Variants in CSMD1 observed in about 807,000 individuals in gnomAD.
CSMD1 encodes CUB and sushi domain-containing protein 1.
CSMD1 carries 213 observed loss-of-function variants against 417.5 expected under a neutral mutation model. The observed-to-expected ratio is 0.51, with a 90% CI of 0.46 to 0.57. CSMD1 has a LOEUF of 0.57. CSMD1 is among the 20% of genes least tolerant of loss of function. CSMD1 has a pLI of 0.00. For synonymous variants in CSMD1, 2,862 were observed against 1,736.8 expected, an observed-to-expected ratio of 1.65 and a Z score of -16.11; for missense variants, 6,923 against 4,529.7, an observed-to-expected ratio of 1.53 and a Z score of -15.17.
intron 21 of CSMD1, among the ~76,000 whole-genome samples, chr8:3,358,741 A>G (rs995018361): frequency 1.3e-5 from 2 of 152,186 alleles, no homozygotes; most frequent in Admixed American, 1.3e-4. Flanking sequence ...CAAAATTGTC[A>G]CCATCGTTAT....
At chr8:3,727,075 A>C (rs1802540841) in intron 6 of CSMD1, among the ~76,000 whole-genome samples, 1 of 152,206 alleles carries the variant, frequency 6.6e-6, no homozygotes, top group South Asian at 2.1e-4. Flanking sequence ...ATATAAAGAT[A>C]ATGGCATTTA....
chr8:3,433,494 C>T (rs1814355927), intron 12 of CSMD1, among the ~76,000 whole-genome samples: 1 of 152,046 alleles, frequency 6.6e-6, no homozygotes, highest in Non-Finnish European at 1.5e-5. Context: ...CGGATTGCTT[C>T]TTGGTTCATT....
intron 3 of CSMD1, among the ~76,000 whole-genome samples, chr8:4,048,930 G>A (rs553697676): frequency 1.3e-5 from 2 of 152,146 alleles, no homozygotes; most frequent in Non-Finnish European, 2.9e-5. Flanking sequence ...AATTTCAAAT[G>A]CTGCAAATAT....
At chr8:3,292,015 T>C (rs1270290708) in intron 25 of CSMD1, among the ~76,000 whole-genome samples, 3 of 152,144 alleles carry the variant, frequency 2.0e-5, no homozygotes, top group East Asian at 3.9e-4. Flanking sequence ...CCAGAGATTC[T>C]GGTATGTTGT....
At chr8:4,410,931 T>C (rs1192883731) in intron 3 of CSMD1, among the ~76,000 whole-genome samples, 1 of 152,188 alleles carries the variant, frequency 6.6e-6, no homozygotes, top group Non-Finnish European at 1.5e-5. Context: ...CTCTTCAGAC[T>C]AGATTTGTTC....
rs181617852 is a variant in CSMD1 at position 4,954,662 on chromosome 8, T to C, written c.85+39670A>G. ...AGCAAATACCCAATGTGTACTCATCTGAATTCATGTGTGTGAATGTTCCTT... is the reference window on the plus strand; with the variant it reads ...AGCAAATACCCAATGTGTACTCATCCGAATTCATGTGTGTGAATGTTCCTT... On this transcript the variant is annotated intron_variant, in intron 1 of 69. Coordinates refer to ENST00000635120, the MANE Select transcript of CSMD1 (RefSeq NM_033225.6). Among the ~76,000 whole-genome samples the C allele has an allele frequency of 2.8e-4, 42 of 152,356 alleles. No homozygotes were observed. The East Asian group carries it at 4.0e-3, about 15-fold the overall frequency.
chr8:3,720,331 T>C (rs151250373), intron 6 of CSMD1, among the ~76,000 whole-genome samples: 1 of 152,194 alleles, frequency 6.6e-6, no homozygotes, highest in Non-Finnish European at 1.5e-5. Context: ...GAGAAGCTAC[T>C]GGAAAGTGAC....
chr8:3,066,612 A>G (rs1279112757), intron 49 of CSMD1, among the ~76,000 whole-genome samples: 1 of 152,224 alleles, frequency 6.6e-6, no homozygotes, highest in Non-Finnish European at 1.5e-5. Flanking sequence ...ACAAGAGAGT[A>G]ATAGCTTTAG....
intron 3 of CSMD1, among the ~76,000 whole-genome samples, chr8:4,319,340 T>C (rs1799125700): frequency 6.6e-6 from 1 of 152,148 alleles, no homozygotes; most frequent in South Asian, 2.1e-4. Flanking sequence ...CATATTATGA[T>C]TTTCCTCCTT....
rs1270250696 is a variant in CSMD1 at position 4,035,672 on chromosome 8, G to C, written c.416-3573C>G. Among the ~76,000 whole-genome samples the C allele has an allele frequency of 3.3e-5, 5 of 152,216 alleles. No individual in the cohort carries two copies. In the East Asian group the frequency reaches 7.7e-4, roughly 23 times the overall value. ...AACTCTTATGAATAACAATATAAAT[G>C]TTTTGCACAACTGTGCAAGGTTTAT... On this transcript the variant is annotated intron_variant, in intron 3 of 69. Transcript: ENST00000635120.
intron 1 of CSMD1, among the ~76,000 whole-genome samples, chr8:4,703,231 A>G (rs1341477391): frequency 6.6e-6 from 1 of 152,212 alleles, no homozygotes; most frequent in African/African-American, 2.4e-5. Context: ...GTGTAAACCA[A>G]CGGTTCTCAA....
chr8:3,139,882 T>C (rs1818326126), intron 41 of CSMD1, among the ~76,000 whole-genome samples: 1 of 149,396 alleles, frequency 6.7e-6, no homozygotes, highest in South Asian at 2.1e-4. Flanking sequence ...GTTTTTTTTC[T>C]TTCTTTTTTC....
chr8:3,414,463 C>G (rs536348145), intron 12 of CSMD1, among the ~76,000 whole-genome samples: 32 of 152,290 alleles, frequency 2.1e-4, no homozygotes, highest in African/African-American at 7.2e-4. Context: ...AGTTCAGGTT[C>G]TCACCCCTCA....
intron 5 of CSMD1, among the ~76,000 whole-genome samples, chr8:3,933,964 C>G (rs1584991593): frequency 6.6e-6 from 1 of 152,212 alleles, no homozygotes; most frequent in East Asian, 1.9e-4. Flanking sequence ...AGGGACCACA[C>G]AGTCGGGCTA....
chr8:3,535,901 C>T (rs916526443), intron 10 of CSMD1, among the ~76,000 whole-genome samples: 3 of 152,132 alleles, frequency 2.0e-5, no homozygotes, highest in Admixed American at 1.3e-4. Flanking sequence ...AAGCTTCCCC[C>T]TCCTGGTGGA....
intron 5 of CSMD1, among the ~76,000 whole-genome samples, chr8:3,900,277 G>C (rs1383913975): frequency 6.6e-6 from 1 of 151,410 alleles, no homozygotes. Flanking sequence ...ACAGCTGCGT[G>C]ACAGTGCAGC....
intron 7 of CSMD1, among the ~76,000 whole-genome samples, chr8:3,691,467 T>C (rs1187296282): frequency 6.6e-6 from 1 of 152,196 alleles, no homozygotes; most frequent in East Asian, 1.9e-4. Context: ...CAACACAGTC[T>C]GTAATTTCTA....
At chr8:3,532,047 A>C (rs1214338167) in intron 10 of CSMD1, among the ~76,000 whole-genome samples, 1 of 152,220 alleles carries the variant, frequency 6.6e-6, no homozygotes, top group Non-Finnish European at 1.5e-5. Context: ...CCCTGTCTAG[A>C]TCAGATACTG....
chr8:3,057,343 A>G, intron 49 of CSMD1, among the ~76,000 whole-genome samples: 1 of 152,288 alleles, frequency 6.6e-6, no homozygotes, highest in Non-Finnish European at 1.5e-5. Context: ...GTTTGTATAT[A>G]TTTAGTAAGA....
Sources: allele counts gnomAD v4.1 joint callset (sites outside exome capture counted in the v4.1 genomes callset), GRCh38; gene constraint gnomAD v4.1.1; transcripts MANE v1.5; gene names NCBI Gene and HGNC (gene_info 2026-07-23, HGNC 2026-07-21).